TENM3: variants seen among roughly 807,000 people sequenced by gnomAD.
The protein encoded by TENM3 is teneurin-3.
A neutral mutation model predicts 255.1 loss-of-function variants in TENM3; 63 were observed. The observed-to-expected ratio is 0.25, with a 90% CI of 0.20 to 0.30. The LOEUF is 0.30. Ranked by LOEUF, TENM3 falls within the 10% of genes least tolerant of loss-of-function variation. The pLI is 1.00. For missense variants in TENM3, 2,929 were observed against 3,461.1 expected, an observed-to-expected ratio of 0.85 and a Z score of 3.86; for synonymous variants, 1,306 against 1,322.3, an observed-to-expected ratio of 0.99 and a Z score of 0.27.
At chr4:182,158,563 T>A (rs1185094650) in intron 1 of TENM3, among the ~76,000 whole-genome samples, 1 of 152,166 alleles carries the variant, frequency 6.6e-6, no homozygotes, top group Non-Finnish European at 1.5e-5. Context: ...TACAGTACAC[T>A]TCTTCCTGCT....
intron 1 of TENM3, among the ~76,000 whole-genome samples, chr4:182,168,185 A>T (rs1431469919): frequency 2.0e-5 from 3 of 150,726 alleles, no homozygotes; most frequent in African/African-American, 7.3e-5. Context: ...CCCAGGCCGG[A>T]GTGCAGTGGT....
At chr4:182,240,485 C>T (rs560796319), upstream of TENM3, among the ~76,000 whole-genome samples, 27 of 152,314 alleles carry the variant, frequency 1.8e-4, 1 homozygote, top group South Asian at 4.8e-3. Context: ...ATGCTGAATA[C>T]GTTGTGAAAC....
the TENM3 span, among the ~76,000 whole-genome samples, chr4:181,914,157 C>T: frequency 2.8e-4 from 43 of 152,202 alleles, no homozygotes; most frequent in Non-Finnish European, 3.1e-4. Flanking sequence ...GCTCCCATTG[C>T]CTGAAGACTT....
chr4:181,492,372 C>T, the TENM3 span, among the ~76,000 whole-genome samples: 6 of 152,102 alleles, frequency 3.9e-5, no homozygotes, highest in Non-Finnish European at 5.9e-5. Flanking sequence ...AACCAAGAGG[C>T]ATTGTAAGTA....
At chr4:181,849,949 T>TCTCTCTCTCTCTCTCTCTCTCTCACA in the TENM3 span, among the ~76,000 whole-genome samples, 1 of 65,906 alleles carries the variant, frequency 1.5e-5, no homozygotes, top group African/African-American at 4.4e-5. Context: ...TCTCTCTCTC[T>TCTCTCTCTCTCTCTCTCTCTCTCACA]CACACACACA....
chr4:182,472,578 C>T (rs541887309), intron 3 of TENM3, among the ~76,000 whole-genome samples: 2 of 152,272 alleles, frequency 1.3e-5, no homozygotes, highest in East Asian at 3.9e-4. Flanking sequence ...TGCTTACATA[C>T]TCACTAAAAG....
chr4:182,136,482 T>A, the TENM3 span, among the ~76,000 whole-genome samples: 114 of 152,316 alleles, frequency 7.5e-4, no homozygotes, highest in Non-Finnish European at 1.2e-3. Flanking sequence ...ACATAGTGAG[T>A]TCTGAAAGGG....
At chr4:182,680,193 T>A in intron 8 of TENM3, 55 bp from the exon 9 acceptor site, 1 of 1,260,872 alleles carries the variant, frequency 7.9e-7, no homozygotes, top group Non-Finnish European at 1.2e-6. Context: ...ATACCGTTTA[T>A]CTTTTGCAAG....
At chr4:182,322,116 C>T (rs890867064) in intron 1 of TENM3, among the ~76,000 whole-genome samples, 2 of 152,032 alleles carry the variant, frequency 1.3e-5, no homozygotes, top group Non-Finnish European at 2.9e-5. Flanking sequence ...ATGAGAAATT[C>T]AGTTTCTCTT....
chr4:182,068,623 G>T, the TENM3 span, among the ~76,000 whole-genome samples: 1,287 of 152,010 alleles, frequency 8.5e-3, 13 homozygotes, highest in African/African-American at 0.029. Flanking sequence ...TATCATAAAA[G>T]AATATTTAAT....
At chr4:182,488,366 C>A (rs1462483075) in intron 3 of TENM3, among the ~76,000 whole-genome samples, 1 of 152,060 alleles carries the variant, frequency 6.6e-6, no homozygotes, top group Non-Finnish European at 1.5e-5. Context: ...AGAAGGAGTT[C>A]TTTTAGATGG....
chr4:182,056,111 T>C, the TENM3 span, among the ~76,000 whole-genome samples: 19,464 of 151,948 alleles, frequency 0.13, 4,196 homozygotes, highest in African/African-American at 0.44. Context: ...TAAATGTCAG[T>C]GTCCCCACCA....
intron 2 of TENM3, among the ~76,000 whole-genome samples, chr4:182,337,269 C>G (rs1478095871): frequency 6.6e-6 from 1 of 152,096 alleles, no homozygotes; most frequent in Admixed American, 6.5e-5. Flanking sequence ...AAAAGCAAAT[C>G]CACAATCTGG....
chr4:182,353,959 C>T (rs1351088258), intron 3 of TENM3, among the ~76,000 whole-genome samples: 1 of 148,216 alleles, frequency 6.7e-6, no homozygotes, highest in South Asian at 2.2e-4. Context: ...CAGGGATACT[C>T]CAGCTGGAAA....
chr4:182,465,610 A>G (rs1196276780), intron 3 of TENM3, among the ~76,000 whole-genome samples: 1 of 152,152 alleles, frequency 6.6e-6, no homozygotes, highest in African/African-American at 2.4e-5. Context: ...CCAAAGTCTT[A>G]GGGAATTAGA....
chr4:182,570,588 G>A (rs181484302), intron 3 of TENM3, among the ~76,000 whole-genome samples: 5 of 152,284 alleles, frequency 3.3e-5, no homozygotes, highest in South Asian at 2.1e-4. Flanking sequence ...GGTGGCTCAC[G>A]CCTGTAATCC....
chr4:181,512,607 C>T, the TENM3 span, among the ~76,000 whole-genome samples: 14 of 152,304 alleles, frequency 9.2e-5, no homozygotes, highest in Middle Eastern at 6.8e-3. Flanking sequence ...AATCCCACTT[C>T]GTCGCTAACT....
At chr4:182,122,507 G>T in the TENM3 span, among the ~76,000 whole-genome samples, 1 of 152,158 alleles carries the variant, frequency 6.6e-6, no homozygotes, top group Admixed American at 6.5e-5. Flanking sequence ...CAGAGCTCTT[G>T]GGTGACCAGG....
At chr4:182,458,452 G>A (rs1203563596) in intron 3 of TENM3, among the ~76,000 whole-genome samples, 1 of 152,156 alleles carries the variant, frequency 6.6e-6, no homozygotes, top group Non-Finnish European at 1.5e-5. Flanking sequence ...AGGAAGTTGA[G>A]TAAATTAGCA....
Sources: gnomAD v4.1 joint callset for allele counts (sites outside exome capture counted in the v4.1 genomes callset) on GRCh38, gnomAD v4.1.1 for gene constraint, MANE v1.5 for transcripts, NCBI Gene and HGNC (gene_info 2026-07-23, HGNC 2026-07-21) for gene names.